The following PIEZO2 variants were observed in gnomAD, a reference collection of about 807,000 sequenced individuals.
The protein encoded by PIEZO2 is piezo type mechanosensitive ion channel component 2, also known as piezo-type mechanosensitive ion channel component 2.
PIEZO2 carries 172 observed loss-of-function variants against 337.3 expected under a neutral mutation model. The ratio of observed to expected loss-of-function variants is 0.51; its 90% CI spans 0.45 to 0.58. PIEZO2 has a LOEUF of 0.58. Among genes scored for constraint, PIEZO2 ranks in the 20% least tolerant of loss-of-function variants. The pLI, the probability that PIEZO2 is intolerant of heterozygous loss-of-function variation, is 0.00. For synonymous variants in PIEZO2, 1,251 were observed against 1,228.5 expected, an observed-to-expected ratio of 1.02 and a Z score of -0.38; for missense variants, 3,028 against 3,391.3, an observed-to-expected ratio of 0.89 and a Z score of 2.66.
At chr18:10,898,359 T>G (rs933264225) in intron 4 of PIEZO2, among the ~76,000 whole-genome samples, 1 of 151,700 alleles carries the variant, frequency 6.6e-6, no homozygotes, top group Non-Finnish European at 1.5e-5. Context: ...AGGCAGAGCT[T>G]GCAGTGAGCC....
rs2037408017 is a variant in PIEZO2 at position 11,048,622 on chromosome 18, G to A, written c.160+17505C>T. ...GAGGGAAATGCTTATATAGATAACT[G>A]AATTATTTATATTAGAAGCTTTCAC... On this transcript the variant is annotated intron_variant, in intron 2 of 55. Coordinates refer to ENST00000674853, the MANE Select transcript of PIEZO2 (RefSeq NM_001378183.1). The surrounding 1 kb of genome is among the most constrained non-coding windows in gnomAD (Gnocchi z 4.5). Among the ~76,000 whole-genome samples the A allele has an allele frequency of 6.6e-6, 1 of 152,066 alleles. No homozygotes were observed. The highest frequency in any genetic ancestry group is 1.5e-5 in the Non-Finnish European group (1 of 68,010).
rs371348074 is a variant in PIEZO2, at chr18:10,929,936, G to A, written c.287-18708C>T. Among the ~76,000 whole-genome samples, 35 of 152,244 alleles carry A rather than the reference G, an allele frequency of 2.3e-4. No homozygotes were observed. In the South Asian group the frequency reaches 5.0e-3, roughly 22 times the overall value. ...ATGACAGGAAGGTGGGGTCCAACAT[G>A]CCTCATTATACCCTCTTTCCTTTGG... On this transcript the variant is annotated intron_variant, in intron 3 of 55. Transcript: ENST00000674853. The surrounding 1 kb of genome is among the most constrained non-coding windows in gnomAD (Gnocchi z 5.6).
intron 4 of PIEZO2, among the ~76,000 whole-genome samples, chr18:10,883,318 G>A (rs898238506): frequency 1.3e-5 from 2 of 152,012 alleles, no homozygotes; most frequent in Non-Finnish European, 2.9e-5. Flanking sequence ...TGGTAGTTCT[G>A]TTTTTAGTTT....
Position 10,954,310 on chromosome 18 carries a change from A to C in PIEZO2, c.286+25225T>G, listed in dbSNP as rs1286365655. Among the ~76,000 whole-genome samples the C allele has an allele frequency of 6.6e-6, 1 of 152,172 alleles. No individual in the cohort carries two copies. The highest frequency in any genetic ancestry group is 1.5e-5 in the Non-Finnish European group (1 of 68,022). On this transcript the variant is annotated intron_variant, in intron 3 of 55. Transcript: ENST00000674853. The surrounding 1 kb of genome is among the most constrained non-coding windows in gnomAD (Gnocchi z 4.2). ...CAACAGTGAGTCTTCCAATCCATGA[A>C]CACAATGTATCTCTGCATTTATTTA...
chr18:10,851,744 T>G (rs11080464), intron 7 of PIEZO2, among the ~76,000 whole-genome samples: 1 of 151,942 alleles, frequency 6.6e-6, no homozygotes, highest in Non-Finnish European at 1.5e-5. Flanking sequence ...TTTACTGAAA[T>G]ACAGCCATGA....
chr18:10,880,885 ATATATATATATATAT>A (rs1568159695), intron 4 of PIEZO2, among the ~76,000 whole-genome samples: 14 of 80,212 alleles, frequency 1.7e-4, no homozygotes, highest in South Asian at 4.2e-4. Flanking sequence ...ATATATATAT[ATATATATATATATAT>A]AATTTTGATA....
At chr18:11,118,045 T>A (rs530914933) in intron 1 of PIEZO2, among the ~76,000 whole-genome samples, 1 of 152,234 alleles carries the variant, frequency 6.6e-6, no homozygotes, top group African/African-American at 2.4e-5. Context: ...ACAATTTTTA[T>A]GTTTCCTTCA....
chr18:10,926,223 G>A (rs1160214885), intron 3 of PIEZO2, among the ~76,000 whole-genome samples: 2 of 152,188 alleles, frequency 1.3e-5, no homozygotes, highest in African/African-American at 4.8e-5. Flanking sequence ...GGGGGAGACC[G>A]GGTGTGCTGG....
chr18:10,731,196 T>G (rs1165583955), intron 36 of PIEZO2, among the ~76,000 whole-genome samples: 2 of 63,514 alleles, frequency 3.1e-5, no homozygotes, highest in African/African-American at 1.8e-4. Context: ...TATATATATA[T>G]ATATATATAT....
rs2034584866 is a variant in PIEZO2, at chr18:10,979,524, A to G, written c.286+11T>C. ...AAAGAAAACAATAAAAGAAAACACC[A>G]TAATACTCACAGTTGTAGCCAGGTG... is the stretch of plus-strand genomic sequence containing the variant. On this transcript the variant is annotated intron_variant, in intron 3 of 55. Transcript: ENST00000674853. The surrounding 1 kb of genome is among the most constrained non-coding windows in gnomAD (Gnocchi z 4.0). 6.6e-7 allele frequency: 1 copy of G among 1,516,476 alleles called. No homozygotes were observed. The highest frequency in any genetic ancestry group is 8.8e-7 in the Non-Finnish European group (1 of 1,134,130). The allele number at this position is 1,516,476 out of a possible 1,614,324, so 93.9% of individuals were successfully genotyped here. A position where few individuals can be genotyped will look rare whatever the true frequency, so the allele number is the denominator to read the frequency against.
At position 11,028,797 on chromosome 18, in the gene PIEZO2, A is replaced by T. The variant is rs2145751052; in HGVS notation, c.160+37330T>A. On this transcript the variant is annotated intron_variant, in intron 2 of 55. Coordinates refer to ENST00000674853, the MANE Select transcript of PIEZO2 (RefSeq NM_001378183.1). This position sits in a 1 kb window ranked among gnomAD's most constrained non-coding sequence, Gnocchi z 4.8. ...CCATGGTGCTGTGCAGCTCATCAGGATTAGTCTTTCTTGTGCTTGGTACTC... is the reference window on the plus strand; with the variant it reads ...CCATGGTGCTGTGCAGCTCATCAGGTTTAGTCTTTCTTGTGCTTGGTACTC... Among the ~76,000 whole-genome samples, 1 of 152,290 alleles carries T rather than the reference A, an allele frequency of 6.6e-6. No individual in the cohort carries two copies. Among genetic ancestry groups the T allele is most frequent in the African/African-American group, 2.4e-5 (1 of 41,556 alleles).
rs779502587 is a variant in PIEZO2 at position 10,872,746 on chromosome 18, C to T, written c.330-1331G>A. ...AGAGCGATTCCCGGCATGTTCTCTG[C>T]TCACTCATATAATATAAAATAAGCT... is the stretch of plus-strand genomic sequence containing the variant. On this transcript the variant is annotated intron_variant, in intron 4 of 55. Transcript: ENST00000674853. The surrounding 1 kb of genome is among the most constrained non-coding windows in gnomAD (Gnocchi z 4.3). Among the ~76,000 whole-genome samples, 2 of 152,138 alleles carry T rather than the reference C, an allele frequency of 1.3e-5. No homozygotes were observed. The highest frequency in any genetic ancestry group is 2.9e-5 in the Non-Finnish European group (2 of 68,030).
chr18:10,752,005 G>C (rs547782852), intron 28 of PIEZO2, among the ~76,000 whole-genome samples: 86 of 152,294 alleles, frequency 5.6e-4, no homozygotes, highest in Non-Finnish European at 7.4e-4. Flanking sequence ...GGGTTGTGGG[G>C]GGGGAGGGTC....
chr18:10,703,207 T>A (rs1014967687), intron 42 of PIEZO2, among the ~76,000 whole-genome samples: 6 of 152,204 alleles, frequency 3.9e-5, no homozygotes, highest in Non-Finnish European at 7.3e-5. Flanking sequence ...TGGTATTTCC[T>A]CTTACTTCAG....
intron 36 of PIEZO2, chr18:10,728,233 A>G (rs1369371624): frequency 2.0e-5 from 3 of 152,672 alleles, no homozygotes; most frequent in East Asian, 1.9e-4. Context: ...GCGTGAGGCC[A>G]AAGGAAATTG....
At chr18:10,764,504 G>A (rs1015010525) in intron 21 of PIEZO2, among the ~76,000 whole-genome samples, 2 of 151,962 alleles carry the variant, frequency 1.3e-5, no homozygotes, top group Non-Finnish European at 2.9e-5. Flanking sequence ...AGCCGGGCGT[G>A]GTGGCAGGCT....
chr18:11,109,001 T>A lies in PIEZO2; in HGVS notation c.64+39524A>T, dbSNP rs1289804088. Among the ~76,000 whole-genome samples, 1 of 152,216 alleles carries A rather than the reference T, an allele frequency of 6.6e-6. No homozygotes were observed. The highest frequency in any genetic ancestry group is 1.5e-5 in the Non-Finnish European group (1 of 68,040). On this transcript the variant is annotated intron_variant, in intron 1 of 55. Coordinates refer to ENST00000674853, the MANE Select transcript of PIEZO2 (RefSeq NM_001378183.1). This position sits in a 1 kb window ranked among gnomAD's most constrained non-coding sequence, Gnocchi z 5.1. ...TTGGGCAGAACTTGCCCCCTGTCAG[T>A]ACCACCAGCACCAAGGTGGGGGCGA...
In PIEZO2 at chr18:10,854,790, C is replaced by A. The variant is rs1453430710; in HGVS notation, c.917+563G>T. On this transcript the variant is annotated intron_variant, in intron 7 of 55. Transcript: ENST00000674853. The surrounding 1 kb of genome is among the most constrained non-coding windows in gnomAD (Gnocchi z 4.6). ...GTGCAGCGGTGTGATCATGGCTCAC[C>A]GCAGTCTTGACCTCCCAGGCTCAGG... Among the ~76,000 whole-genome samples the A allele has an allele frequency of 6.6e-6, 1 of 152,116 alleles. No homozygotes were observed. The highest frequency in any genetic ancestry group is 1.5e-5 in the Non-Finnish European group (1 of 68,034).
chr18:10,855,667 GT>G lies in PIEZO2; in HGVS notation c.704-102del, dbSNP rs2041684989. The G allele has an allele frequency of 6.4e-6, 6 of 939,350 alleles. 1 individual carries two copies. In the South Asian group the frequency reaches 9.6e-5, roughly 15 times the overall value. 58.2% of individuals were successfully genotyped at this position (939,350 alleles called of 1,614,324 possible). A position where few individuals can be genotyped will look rare whatever the true frequency, so the allele number is the denominator to read the frequency against. On this transcript the variant is annotated intron_variant, in intron 6 of 55. Transcript: ENST00000674853. The surrounding 1 kb of genome is among the most constrained non-coding windows in gnomAD (Gnocchi z 4.9). ...GAAATTATGTGAATTTCCTTCAAGT[GT>G]TTTTAGGTTTTTTAAAATAGTAATT... is the stretch of plus-strand genomic sequence containing the variant.
Sources: gnomAD v4.1 joint callset for allele counts (sites outside exome capture counted in the v4.1 genomes callset) on GRCh38, gnomAD v4.1.1 for gene constraint, Gnocchi (gnomAD v3.1) non-coding constraint, MANE v1.5 for transcripts, NCBI Gene and HGNC (gene_info 2026-07-23, HGNC 2026-07-21) for gene names.